Variants in ARIH1 observed in about 807,000 individuals in gnomAD.
ARIH1 encodes E3 ubiquitin-protein ligase ARIH1.
A neutral mutation model predicts 85.0 loss-of-function variants in ARIH1; 8 were observed. The observed-to-expected ratio is 0.09, with a 90% confidence interval of 0.06 to 0.17. The LOEUF (loss-of-function observed/expected upper bound fraction) is 0.17, where lower values mean the gene tolerates loss of function less well. Ranked by LOEUF, ARIH1 falls within the 10% of genes least tolerant of loss-of-function variation. The pLI is 1.00. For synonymous variants in ARIH1, 238 were observed against 253.6 expected (o/e 0.94, Z 0.59); for missense variants, 311 against 718.1 (o/e 0.43, Z 6.48).
intron 3 of ARIH1, among the ~76,000 whole-genome samples, chr15:72,548,383 TTGAAA>T (rs773853308): frequency 1.3e-5 from 2 of 152,044 alleles, no homozygotes; most frequent in Non-Finnish European, 2.9e-5. Context: ...AAAAGTTAAT[TTGAAA>T]TGAAATGAAG....
intron 1 of ARIH1, among the ~76,000 whole-genome samples, chr15:72,499,367 G>A (rs2063893655): frequency 6.6e-6 from 1 of 150,618 alleles, no homozygotes; most frequent in Non-Finnish European, 1.5e-5. Context: ...AAATGTAAAT[G>A]TTATATCTTA....
chr15:72,554,601 G>A (rs2064167133), intron 3 of ARIH1, among the ~76,000 whole-genome samples: 1 of 152,088 alleles, frequency 6.6e-6, no homozygotes, highest in African/African-American at 2.4e-5. Context: ...TGCCCAGGCT[G>A]GTCTTGAACT....
chr15:72,545,536 T>C (rs1438986246), intron 3 of ARIH1, among the ~76,000 whole-genome samples: 1 of 152,186 alleles, frequency 6.6e-6, no homozygotes, highest in East Asian at 1.9e-4. Flanking sequence ...TAAAAATTTA[T>C]TGAACTGAAG....
intron 1 of ARIH1, among the ~76,000 whole-genome samples, chr15:72,480,658 A>C (rs2063812905): frequency 1.3e-5 from 2 of 151,082 alleles, no homozygotes; most frequent in Middle Eastern, 3.3e-3. Flanking sequence ...TCTGCCTCCC[A>C]GGTTCAAGCG....
intron 6 of ARIH1, 112 bp downstream of exon 6, chr15:72,561,661 A>G: frequency 1.5e-6 from 1 of 684,884 alleles, no homozygotes; most frequent in Non-Finnish European, 2.3e-6. Context: ...ATATTTATGA[A>G]GCATGCCAAA....
At chr15:72,579,375 G>GC (rs527645686) in intron 11 of ARIH1, among the ~76,000 whole-genome samples, 3 of 152,018 alleles carry the variant, frequency 2.0e-5, no homozygotes, top group East Asian at 1.9e-4. Flanking sequence ...TCAGTGGTTG[G>GC]GGGGGGAGCC....
chr15:72,525,636 A>T (rs1336559067), intron 2 of ARIH1, among the ~76,000 whole-genome samples: 1 of 152,234 alleles, frequency 6.6e-6, no homozygotes, highest in Non-Finnish European at 1.5e-5. Context: ...CGACTGATTA[A>T]CTATTAAAGT....
intron 2 of ARIH1, among the ~76,000 whole-genome samples, chr15:72,531,811 T>A (rs994424077): frequency 6.6e-6 from 1 of 152,204 alleles, no homozygotes; most frequent in Non-Finnish European, 1.5e-5. Flanking sequence ...AAACAGTATG[T>A]TTTAATTAAT....
intron 3 of ARIH1, among the ~76,000 whole-genome samples, chr15:72,546,762 G>T (rs867486855): frequency 1.0e-3 from 157 of 151,424 alleles, no homozygotes; most frequent in Non-Finnish European, 1.5e-3. Flanking sequence ...GTTTGTTTTG[G>T]TTTTTTTGTA....
chr15:72,567,081 C>G (rs1224380400), intron 8 of ARIH1, 25 bp from the exon 9 acceptor site: 14 of 1,573,584 alleles, frequency 8.9e-6, no homozygotes, highest in Non-Finnish European at 1.2e-5. Flanking sequence ...TTTGTTGTAT[C>G]CTAACCGTTG....
Position 72,532,180 on chromosome 15 carries a change from T to A in ARIH1, c.444-12640T>A, listed in dbSNP as rs902799486. ...AAGCCGTAAGATTTTTTTTTTTTTTTAAGACTGATAACGTTGACACTTTGA... is the reference window on the plus strand; with the variant it reads ...AAGCCGTAAGATTTTTTTTTTTTTTAAAGACTGATAACGTTGACACTTTGA... On this transcript the variant is annotated intron_variant, in intron 2 of 13. Coordinates refer to ENST00000379887, the MANE Select transcript of ARIH1 (RefSeq NM_005744.5). Among the ~76,000 whole-genome samples the A allele has an allele frequency of 3.9e-4, 59 of 150,390 alleles. 1 individual carries two copies. The highest frequency in any genetic ancestry group is 2.7e-3 in the Admixed American group (40 of 15,064).
intron 11 of ARIH1, among the ~76,000 whole-genome samples, chr15:72,572,870 G>A (rs902371933): frequency 6.6e-6 from 1 of 152,200 alleles, no homozygotes; most frequent in Non-Finnish European, 1.5e-5. Flanking sequence ...GGTATGGAGT[G>A]TCTCAGGAAC....
intron 6 of ARIH1, 104 bp downstream of exon 6, chr15:72,561,653 A>G: frequency 1.4e-6 from 1 of 729,656 alleles, no homozygotes; most frequent in Middle Eastern, 4.0e-4. Context: ...TCTTTAACAT[A>G]TTTATGAAGC....
chr15:72,510,228 C>T (rs978124475), intron 1 of ARIH1, among the ~76,000 whole-genome samples: 38 of 152,118 alleles, frequency 2.5e-4, no homozygotes, highest in African/African-American at 8.2e-4. Context: ...ATGTAATTTG[C>T]AGGTATCTTC....
At chr15:72,496,889 T>C (rs1283971137) in intron 1 of ARIH1, 3 of 982,870 alleles carry the variant, frequency 3.1e-6, no homozygotes, top group African/African-American at 3.5e-5. Flanking sequence ...AGACAAGTCA[T>C]TAAAAGACCA....
rs74711728 is a variant in ARIH1, at chr15:72,481,885, G to A, written c.375+6871G>A. On this transcript the variant is annotated intron_variant, in intron 1 of 13. Coordinates refer to ENST00000379887, the MANE Select transcript of ARIH1 (RefSeq NM_005744.5). ...GAGTCTTTTCTCTCTTGCCCAGGCT[G>A]GGGTGCAGTGGCGCCATCTCGGCTC... Among the ~76,000 whole-genome samples the A allele has an allele frequency of 7.0e-4, 106 of 152,126 alleles. 2 individuals are homozygous for A. In the East Asian group the frequency reaches 0.019, roughly 27 times the overall value.
chr15:72,542,717 G>C (rs1052748771), intron 2 of ARIH1, among the ~76,000 whole-genome samples: 2 of 152,170 alleles, frequency 1.3e-5, no homozygotes, highest in Non-Finnish European at 2.9e-5. Context: ...CTGTGTGGCT[G>C]TATACTCATA....
intron 1 of ARIH1, among the ~76,000 whole-genome samples, chr15:72,477,332 C>T (rs1388118437): frequency 1.3e-5 from 2 of 152,116 alleles, no homozygotes; most frequent in African/African-American, 2.4e-5. Flanking sequence ...TTGGAAATAG[C>T]AGTTATCTAG....
chr15:72,545,515 A>G (rs959737717), intron 3 of ARIH1, among the ~76,000 whole-genome samples: 1 of 152,208 alleles, frequency 6.6e-6, no homozygotes, highest in Non-Finnish European at 1.5e-5. Flanking sequence ...CTTAAGTACA[A>G]ATAACCTTCC....
Sources: allele counts gnomAD v4.1 joint callset (sites outside exome capture counted in the v4.1 genomes callset), GRCh38; gene constraint gnomAD v4.1.1; transcripts MANE v1.5; gene names NCBI Gene and HGNC (gene_info 2026-07-23, HGNC 2026-07-21).